The following SVIL variants were observed in gnomAD, a reference collection of about 807,000 sequenced individuals.
SVIL encodes supervillin.
Under a neutral mutation model 240.4 loss-of-function variants are expected in SVIL, and 101 were observed. The ratio of observed to expected loss-of-function variants is 0.42; its 90% CI spans 0.36 to 0.50. The LOEUF (loss-of-function observed/expected upper bound fraction) is 0.50, where lower values mean the gene tolerates loss of function less well. Ranked by LOEUF, SVIL falls within the 20% of genes least tolerant of loss-of-function variation. SVIL has a pLI of 0.01. For synonymous variants in SVIL, 999 were observed against 1,100.0 expected (o/e 0.91, Z 1.82); for missense variants, 2,512 against 2,818.7 (o/e 0.89, Z 2.46).
Position 29,458,227 on chromosome 10 carries a change from C to G in SVIL, c.*20G>C. 7.9e-7 allele frequency: 1 copy of G among 1,269,234 alleles called. No homozygotes were observed. Among genetic ancestry groups the G allele is most frequent in the Non-Finnish European group, 1.1e-6 (1 of 888,642 alleles). The allele number at this position is 1,269,234 out of a possible 1,614,324, so 78.6% of individuals were successfully genotyped here. A position where few individuals can be genotyped will look rare whatever the true frequency, so the allele number is the denominator to read the frequency against. ...GGTGTTGTTGGACGTGACCGTGAGG[C>G]TCCTCTGGCGTCTCCCCACTCAGAA... On this transcript the variant is annotated 3_prime_UTR_variant, in exon 38 of 38. Coordinates refer to ENST00000355867, the MANE Select transcript of SVIL (RefSeq NM_021738.3).
At chr10:29,616,197 C>T (rs1297929908) in intron 1 of SVIL, among the ~76,000 whole-genome samples, 1 of 152,092 alleles carries the variant, frequency 6.6e-6, no homozygotes, top group African/African-American at 2.4e-5. Context: ...GCCACCTTGC[C>T]CAGCTAATTT....
chr10:29,570,441 C>G (rs1468157758), intron 1 of SVIL, among the ~76,000 whole-genome samples: 5 of 152,148 alleles, frequency 3.3e-5, no homozygotes. Flanking sequence ...ATAACCTTAG[C>G]GTTTCAGTTT....
At chr10:29,552,068 C>G (rs1292738768) in intron 5 of SVIL, among the ~76,000 whole-genome samples, 1 of 151,524 alleles carries the variant, frequency 6.6e-6, no homozygotes, top group South Asian at 2.1e-4. Context: ...AAGCTATGAT[C>G]GATCATGCCA....
Position 29,458,151 on chromosome 10 carries a change from C to CTT in SVIL, c.*94_*95dup. 10 of 1,196,212 alleles carry CTT rather than the reference C, an allele frequency of 8.4e-6. No homozygotes were observed. The highest frequency in any genetic ancestry group is 1.2e-5 in the Non-Finnish European group (10 of 842,548). The allele number at this position is 1,196,212 out of a possible 1,614,324, so 74.1% of individuals were successfully genotyped here. ...TTCTGAAAACTCTGATTGAAAAATA[C>CTT]TTTGTGAAAAACACCAGTCCAAAAA... is the stretch of plus-strand genomic sequence containing the variant. On this transcript the variant is annotated 3_prime_UTR_variant, in exon 38 of 38. Transcript: ENST00000355867.
chr10:29,607,451 G>A (rs1017118814), intron 1 of SVIL, among the ~76,000 whole-genome samples: 1 of 151,940 alleles, frequency 6.6e-6, no homozygotes, highest in Non-Finnish European at 1.5e-5. Flanking sequence ...ATTAACTTAG[G>A]AAGAATTGAT....
At chr10:29,730,774 A>T (rs573865704) in intron 1 of SVIL, among the ~76,000 whole-genome samples, 135 of 152,324 alleles carry the variant, frequency 8.9e-4, no homozygotes, top group Admixed American at 2.6e-3. Flanking sequence ...AGGGTTTTAT[A>T]CATGCCCAAG....
At chr10:29,670,369 C>A (rs959949892) in intron 2 of SVIL, among the ~76,000 whole-genome samples, 4 of 152,140 alleles carry the variant, frequency 2.6e-5, no homozygotes, top group Non-Finnish European at 4.4e-5. Context: ...AGCTTCAAAG[C>A]TTTATAAAAT....
chr10:29,505,061 G>A (rs114418248), intron 17 of SVIL, among the ~76,000 whole-genome samples: 3 of 152,174 alleles, frequency 2.0e-5, no homozygotes, highest in African/African-American at 4.8e-5. Flanking sequence ...GGAGGCTCAC[G>A]CCTGTAATCC....
At chr10:29,459,740 G>T (rs1444789912) in intron 36 of SVIL, among the ~76,000 whole-genome samples, 1 of 152,192 alleles carries the variant, frequency 6.6e-6, no homozygotes, top group Non-Finnish European at 1.5e-5. Flanking sequence ...TGGTGGGAAT[G>T]CATGACTAAG....
At chr10:29,698,520 TC>T (rs1962258037) in intron 1 of SVIL, among the ~76,000 whole-genome samples, 1 of 145,542 alleles carries the variant, frequency 6.9e-6, no homozygotes, top group African/African-American at 2.5e-5. Context: ...TTTTGTTTTT[TC>T]CTGCCGGGTG....
chr10:29,652,996 T>C (rs900559736), intron 3 of SVIL, among the ~76,000 whole-genome samples: 2 of 151,604 alleles, frequency 1.3e-5, no homozygotes, highest in East Asian at 1.9e-4. Flanking sequence ...CCTTTTTCCT[T>C]TTCCTTTTTT....
intron 1 of SVIL, among the ~76,000 whole-genome samples, chr10:29,620,343 A>T (rs1000491533): frequency 3.3e-4 from 50 of 152,052 alleles, no homozygotes; most frequent in African/African-American, 1.2e-3. Flanking sequence ...AAGGGAAAAG[A>T]GAGGAAGGGA....
intron 18 of SVIL, among the ~76,000 whole-genome samples, chr10:29,497,943 A>G (rs6481611): frequency 0.085 from 12,818 of 151,642 alleles, 1,618 homozygotes; most frequent in African/African-American, 0.28. Context: ...TTAGCTGGGC[A>G]TGGTGGCGCG....
intron 12 of SVIL, among the ~76,000 whole-genome samples, chr10:29,527,850 C>A (rs145887053): frequency 6.7e-6 from 1 of 150,100 alleles, no homozygotes; most frequent in Non-Finnish European, 1.5e-5. Context: ...CTCAGCCTCC[C>A]GAGTAGCTGG....
intron 22 of SVIL, among the ~76,000 whole-genome samples, chr10:29,489,649 G>C (rs1947761730): frequency 6.6e-6 from 1 of 152,092 alleles, no homozygotes; most frequent in African/African-American, 2.4e-5. Context: ...CCGGGGTTTA[G>C]TGATCCTCCC....
chr10:29,699,017 C>T (rs920474698), intron 1 of SVIL, among the ~76,000 whole-genome samples: 14 of 152,232 alleles, frequency 9.2e-5, no homozygotes, highest in African/African-American at 3.4e-4. Context: ...TGCTCAGAGA[C>T]AAATTGGAAC....
rs372421048 is a variant in SVIL, at chr10:29,523,394, C to A, written c.3163+57G>T. On this transcript the variant is annotated intron_variant, in intron 15 of 37. Coordinates refer to ENST00000355867, the MANE Select transcript of SVIL (RefSeq NM_021738.3). The stretch of plus-strand genomic sequence containing the variant: ...AAGCCATCATAGACACAGGACAAAT[C>A]AAGCAGAAACTAAAACCCAGTGGCT... 238 of 1,483,334 alleles carry A rather than the reference C, an allele frequency of 1.6e-4. No individual in the cohort carries two copies. The East Asian group carries it at 4.5e-3, about 28-fold the overall frequency. The allele number at this position is 1,483,334 out of a possible 1,614,324, so 91.9% of individuals were successfully genotyped here.
intron 1 of SVIL, among the ~76,000 whole-genome samples, chr10:29,593,609 C>A (rs4749467): frequency 0.2 from 30,030 of 152,180 alleles, 3,791 homozygotes; most frequent in Non-Finnish European, 0.27. Flanking sequence ...TCTCAAATCT[C>A]GGGCAATTCA....
chr10:29,725,736 G>A (rs1052974353), intron 1 of SVIL, among the ~76,000 whole-genome samples: 5 of 152,110 alleles, frequency 3.3e-5, no homozygotes, highest in Admixed American at 1.3e-4. Context: ...TTTCCGCAAC[G>A]CTCAGCAGAG....
Sources: gnomAD v4.1 joint callset for allele counts (sites outside exome capture counted in the v4.1 genomes callset) on GRCh38, gnomAD v4.1.1 for gene constraint, MANE v1.5 for transcripts, NCBI Gene and HGNC (gene_info 2026-07-23, HGNC 2026-07-21) for gene names.